Variants in SLC4A10 observed in about 807,000 individuals in gnomAD.
SLC4A10 encodes solute carrier family 4 member 10.
A neutral mutation model predicts 137.7 loss-of-function variants in SLC4A10; 42 were observed. That is an observed-to-expected ratio of 0.30 (90% confidence interval 0.24 to 0.39). SLC4A10 has a LOEUF of 0.39. Among genes scored for constraint, SLC4A10 ranks in the 10% least tolerant of loss-of-function variants. The probability of loss-of-function intolerance (pLI) is 1.00; values close to 1 mark genes in which losing one functional copy is unlikely to be tolerated. For synonymous variants in SLC4A10, 474 were observed against 464.1 expected (o/e 1.02, Z -0.27); for missense variants, 925 against 1,355.0 (o/e 0.68, Z 4.98).
At chr2:161,868,840 T>C (rs2060933088) in intron 6 of SLC4A10, among the ~76,000 whole-genome samples, 1 of 151,708 alleles carries the variant, frequency 6.6e-6, no homozygotes, top group South Asian at 2.1e-4. Flanking sequence ...ACCATGAATA[T>C]AATAGATTAC....
At chr2:161,660,498 T>A (rs2038141329) in intron 1 of SLC4A10, among the ~76,000 whole-genome samples, 2 of 152,212 alleles carry the variant, frequency 1.3e-5, no homozygotes, top group African/African-American at 2.4e-5. Context: ...AAATCATATA[T>A]CCTTTTGGAT....
chr2:161,974,133 C>A, intron 23 of SLC4A10, 116 bp from the exon 24 acceptor site: 1 of 743,230 alleles, frequency 1.3e-6, no homozygotes. Context: ...TAAATGCAAA[C>A]AGAGTGGAAG....
At chr2:161,744,493 T>C (rs1365308710) in intron 1 of SLC4A10, among the ~76,000 whole-genome samples, 1 of 152,166 alleles carries the variant, frequency 6.6e-6, no homozygotes, top group African/African-American at 2.4e-5. Flanking sequence ...CAATTGGTCA[T>C]GATGGATGAA....
Position 161,960,578 on chromosome 2 carries a change from G to T in SLC4A10, c.2862+2023G>T, listed in dbSNP as rs1387842814. Among the ~76,000 whole-genome samples, 4 of 151,338 alleles carry T rather than the reference G, an allele frequency of 2.6e-5. No homozygotes were observed. In the South Asian group the frequency reaches 8.4e-4, roughly 32 times the overall value. ...CTACTAAAAATACAAAAATCAGACG[G>T]GTGTGGTGGTGCATGCCTGTAATCC... On this transcript the variant is annotated intron_variant, in intron 21 of 26. Transcript: ENST00000446997.
chr2:161,953,634 C>A (rs1015059066), intron 19 of SLC4A10, among the ~76,000 whole-genome samples: 2 of 152,056 alleles, frequency 1.3e-5, no homozygotes, highest in Non-Finnish European at 2.9e-5. Context: ...TTTATCATTT[C>A]ATGAGTGTCA....
chr2:161,695,746 G>C (rs1177414933), intron 1 of SLC4A10, among the ~76,000 whole-genome samples: 1 of 151,938 alleles, frequency 6.6e-6, no homozygotes, highest in Admixed American at 6.6e-5. Flanking sequence ...TTTACAGTCA[G>C]GCTTAAGAAT....
intron 1 of SLC4A10, among the ~76,000 whole-genome samples, chr2:161,653,368 AAT>A (rs1158207546): frequency 2.0e-5 from 3 of 152,198 alleles, no homozygotes; most frequent in African/African-American, 7.2e-5. Context: ...TATACCCAGT[AAT>A]GGGATTGCTG....
chr2:161,808,954 G>T (rs542538540), intron 3 of SLC4A10, among the ~76,000 whole-genome samples: 2 of 152,256 alleles, frequency 1.3e-5, no homozygotes, highest in South Asian at 4.1e-4. Context: ...TGGGTTGAAT[G>T]GTAGTTCTGT....
chr2:161,896,289 C>T (rs1416500471), intron 11 of SLC4A10, among the ~76,000 whole-genome samples: 2 of 151,798 alleles, frequency 1.3e-5, no homozygotes. Context: ...GTTTTGGTAC[C>T]AGTACCATGC....
Position 161,872,348 on chromosome 2 carries a change from T to C in SLC4A10, c.822T>C (p.Asp274=), listed in dbSNP as rs761718725. 3.1e-6 allele frequency: 5 copies of C among 1,613,596 alleles called. No homozygotes were observed. Among genetic ancestry groups the C allele is most frequent in the African/African-American group, 2.7e-5 (2 of 74,930 alleles). Reference sequence around the variant, plus strand: ...CAGCCTGTGTTGAAAATAAAAATGATGTTAGCAGAGAAAACAGCACTGTTG... The same window carrying C: ...CAGCCTGTGTTGAAAATAAAAATGACGTTAGCAGAGAAAACAGCACTGTTG... ...SAPACVENKN[D]VSRENSTVDF... The change falls in exon 7 of 27, where the codon GAT becomes GAC. Residue 274 remains aspartate (D), a synonymous_variant. Coordinates refer to ENST00000446997, the MANE Select transcript of SLC4A10 (RefSeq NM_001178015.2).
At chr2:161,885,067 A>T (rs914540266) in intron 10 of SLC4A10, among the ~76,000 whole-genome samples, 68 of 152,300 alleles carry the variant, frequency 4.5e-4, no homozygotes, top group Non-Finnish European at 6.6e-4. Context: ...GGTCCCAGCT[A>T]CTTGAGAGGC....
At chr2:161,884,331 G>A (rs1185171488) in intron 10 of SLC4A10, among the ~76,000 whole-genome samples, 1 of 152,110 alleles carries the variant, frequency 6.6e-6, no homozygotes, top group Non-Finnish European at 1.5e-5. Context: ...ACTATGTCAT[G>A]GGAAGTACAT....
chr2:161,715,611 G>A (rs370163187), intron 1 of SLC4A10, among the ~76,000 whole-genome samples: 5 of 151,892 alleles, frequency 3.3e-5, no homozygotes, highest in East Asian at 1.9e-4. Context: ...CTGTTCCTGC[G>A]TTAGTTTGCA....
rs531723621 is a variant in SLC4A10, at chr2:161,972,222, T to A, written c.3160-2027T>A. Among the ~76,000 whole-genome samples, 3 of 151,906 alleles carry A rather than the reference T, an allele frequency of 2.0e-5. No individual in the cohort carries two copies. The East Asian group carries it at 5.8e-4, about 29-fold the overall frequency. The stretch of plus-strand genomic sequence containing the variant: ...CTTTCTCCTATCTTGTCTTACTTAA[T>A]GTAGCTTTTGGTACCACTGAGTGTC... On this transcript the variant is annotated intron_variant, in intron 23 of 26. Coordinates refer to ENST00000446997, the MANE Select transcript of SLC4A10 (RefSeq NM_001178015.2).
chr2:161,744,649 T>C (rs1426949751), intron 1 of SLC4A10, among the ~76,000 whole-genome samples: 1 of 152,130 alleles, frequency 6.6e-6, no homozygotes, highest in Non-Finnish European at 1.5e-5. Context: ...AACCCATTAT[T>C]TTCAATGGAT....
At chr2:161,650,661 C>T (rs1036564087) in intron 1 of SLC4A10, among the ~76,000 whole-genome samples, 1 of 152,220 alleles carries the variant, frequency 6.6e-6, no homozygotes, top group African/African-American at 2.4e-5. Flanking sequence ...GCTCTAATTT[C>T]GGAGCAAAGT....
At chr2:161,709,218 T>C (rs1168431169) in intron 1 of SLC4A10, among the ~76,000 whole-genome samples, 1 of 151,622 alleles carries the variant, frequency 6.6e-6, no homozygotes, top group East Asian at 1.9e-4. Context: ...CTGATAAGGA[T>C]ACATCGTAGC....
At chr2:161,902,020 C>T in intron 12 of SLC4A10, 1 of 456,366 alleles carries the variant, frequency 2.2e-6, no homozygotes, top group Non-Finnish European at 4.4e-6. Context: ...CTTCCTAAAT[C>T]CTCCCAGGTC....
chr2:161,896,013 C>T (rs2063457546), intron 11 of SLC4A10, among the ~76,000 whole-genome samples: 1 of 151,556 alleles, frequency 6.6e-6, no homozygotes, highest in South Asian at 2.1e-4. Flanking sequence ...AATGGTAATG[C>T]CTAGGTTTTC....
Sources: allele counts gnomAD v4.1 joint callset (sites outside exome capture counted in the v4.1 genomes callset), GRCh38; gene constraint gnomAD v4.1.1; transcripts MANE v1.5; gene names NCBI Gene and HGNC (gene_info 2026-07-23, HGNC 2026-07-21).